Variants in SSC5D observed in about 807,000 individuals in gnomAD.
SSC5D encodes the protein scavenger receptor cysteine rich family member with 5 domains.
Under a neutral mutation model 104.6 loss-of-function variants are expected in SSC5D, and 106 were observed. The observed-to-expected ratio is 1.01, with a 90% CI of 0.87 to 1.19. SSC5D has a LOEUF of 1.19. Among genes scored for constraint, SSC5D ranks in the 50% most tolerant of loss-of-function variants. The pLI, the probability that SSC5D is intolerant of heterozygous loss-of-function variation, is 0.00. For synonymous variants in SSC5D, 860 were observed against 883.5 expected (o/e 0.97, Z 0.47); for missense variants, 1,993 against 2,153.8 (o/e 0.93, Z 1.48).
In SSC5D at chr19:55,517,372, C is replaced by G. The variant is rs1248960549; in HGVS notation, c.3096C>G (p.Pro1032=). ...CTGACTCCAGTCGAGAGCTCACTCC[C>G]CACTCAGCCTTGACGTCCGAGGCGA... The part of the protein sequence containing the change: ...LTSDSSRELT[P]HSALTSEATS... The change falls in exon 14 of 14, where the codon CCC becomes CCG. Residue 1032 remains proline (P), a synonymous_variant. Coordinates refer to ENST00000389623, the MANE Select transcript of SSC5D (RefSeq NM_001144950.2). 1 of 1,550,628 alleles carries G rather than the reference C, an allele frequency of 6.4e-7. No homozygotes were observed. Among genetic ancestry groups the G allele is most frequent in the Admixed American group, 2.0e-5 (1 of 50,986 alleles).
At chr19:55,498,619 G>C (rs2123440902) in intron 9 of SSC5D, among the ~76,000 whole-genome samples, 1 of 152,336 alleles carries the variant, frequency 6.6e-6, no homozygotes, top group African/African-American at 2.4e-5. Context: ...ATAAACTCAG[G>C]CAATGCCTGT....
rs1599921593 is a variant in SSC5D at position 55,500,828 on chromosome 19, T to G, written c.2617+24T>G. 2 of 1,503,122 alleles carry G rather than the reference T, an allele frequency of 1.3e-6. No homozygotes were observed. The highest frequency in any genetic ancestry group is 2.5e-5 in the East Asian group (1 of 39,688). 93.1% of individuals were successfully genotyped at this position (1,503,122 alleles called of 1,614,324 possible). A position where few individuals can be genotyped will look rare whatever the true frequency, so the allele number is the denominator to read the frequency against. On this transcript the variant is annotated intron_variant, in intron 11 of 13. Transcript: ENST00000389623. This position sits in a 1 kb window ranked among gnomAD's most constrained non-coding sequence, Gnocchi z 4.6. ...TGGTACCAGGGCATGGCGGCGGTGGTGGGGTTGTCGGGGGTGGCCAGGAGA... is the reference window on the plus strand; with the variant it reads ...TGGTACCAGGGCATGGCGGCGGTGGGGGGGTTGTCGGGGGTGGCCAGGAGA...
Position 55,489,432 on chromosome 19 carries a change from T to C in SSC5D, c.131T>C (p.Val44Ala), listed in dbSNP as rs1971845127. Reference protein sequence around the residue: ...EVWHGGRWGTVCDDGWDLRDA... With the variant: ...EVWHGGRWGTACDDGWDLRDA... ...TGGCATGGCGGGCGCTGGGGCACCG[T>C]GTGTGATGACGGCTGGGACCTGCGC... is the stretch of plus-strand genomic sequence containing the variant. The change falls in exon 3 of 14, where the codon GTG (valine) becomes GCG (alanine). Residue 44 changes from valine (V) to alanine (A), a missense_variant. By Grantham distance (64) the Val-to-Ala change is moderately conservative. Around this residue, in one of 6 missense-constraint regions of SSC5D, gnomAD observed 1,101 missense variants for 1,085.0 expected, o/e 1.01. Coordinates refer to ENST00000389623, the MANE Select transcript of SSC5D (RefSeq NM_001144950.2). The C allele has an allele frequency of 1.3e-6, 2 of 1,490,742 alleles. No homozygotes were observed. Among genetic ancestry groups the C allele is most frequent in the Non-Finnish European group, 1.8e-6 (2 of 1,127,426 alleles). The allele number at this position is 1,490,742 out of a possible 1,614,324, so 92.3% of individuals were successfully genotyped here. A position where few individuals can be genotyped will look rare whatever the true frequency, so the allele number is the denominator to read the frequency against.
intron 12 of SSC5D, among the ~76,000 whole-genome samples, chr19:55,511,042 G>A (rs1353475311): frequency 1.3e-5 from 2 of 151,410 alleles, no homozygotes; most frequent in African/African-American, 4.8e-5. Flanking sequence ...GCCTCTCAAA[G>A]TGCTGGGATT....
intron 12 of SSC5D, among the ~76,000 whole-genome samples, chr19:55,509,611 C>CT (rs1400814933): frequency 6.7e-6 from 1 of 149,604 alleles, no homozygotes; most frequent in Non-Finnish European, 1.5e-5. Flanking sequence ...AATCCCAGCA[C>CT]TTTGAGAGGC....
chr19:55,506,457 T>A (rs1987638509), intron 12 of SSC5D, among the ~76,000 whole-genome samples: 1 of 143,194 alleles, frequency 7.0e-6, no homozygotes, highest in Non-Finnish European at 1.5e-5. Context: ...TGCAGTGGCG[T>A]GATCTTGTCT....
At position 55,503,966 on chromosome 19, in the gene SSC5D, G is replaced by T. The variant is rs1599923899; in HGVS notation, c.2785+2765G>T. On this transcript the variant is annotated intron_variant, in intron 12 of 13. Coordinates refer to ENST00000389623, the MANE Select transcript of SSC5D (RefSeq NM_001144950.2). This position sits in a 1 kb window ranked among gnomAD's most constrained non-coding sequence, Gnocchi z 4.0. ...TGATTGGCCAGCCGGCGCATCGCCC[G>T]CAGTAATAATAGCTGGGCGAAGGGC... 1.4e-6 allele frequency: 1 copy of T among 720,050 alleles called. No individual in the cohort carries two copies. Among genetic ancestry groups the T allele is most frequent in the East Asian group, 3.0e-5 (1 of 32,928 alleles). 44.6% of individuals were successfully genotyped at this position (720,050 alleles called of 1,614,324 possible).
chr19:55,491,187 C>G, intron 6 of SSC5D, 107 bp downstream of exon 6: 4 of 1,275,502 alleles, frequency 3.1e-6, no homozygotes, highest in Non-Finnish European at 4.3e-6. Flanking sequence ...GCCTCCTGCC[C>G]GCCTGCTCTC....
In SSC5D at chr19:55,493,761, C is replaced by G. The variant is rs1420264459; in HGVS notation, c.1062C>G (p.Pro354=). ...GCTGCGGAGGGGCGCTGGCCGCCCC[C>G]GGGGGCGCCTTCTTTGGGGAGGGGT... is the stretch of plus-strand genomic sequence containing the variant. ...ELGCGGALAA[P]GGAFFGEGSG... The change falls in exon 7 of 14, where the codon CCC becomes CCG. Residue 354 remains proline, a synonymous_variant. Transcript: ENST00000389623. 1.3e-6 allele frequency: 2 copies of G among 1,528,458 alleles called. No individual in the cohort carries two copies. The highest frequency in any genetic ancestry group is 2.8e-5 in the African/African-American group (2 of 71,624). The allele number at this position is 1,528,458 out of a possible 1,614,324, so 94.7% of individuals were successfully genotyped here.
intron 2 of SSC5D, 25 bp downstream of exon 2, chr19:55,489,057 T>TGGGGGGGC: frequency 8.0e-7 from 1 of 1,247,974 alleles, no homozygotes; most frequent in Non-Finnish European, 1.0e-6. Flanking sequence ...TCCTCCCATC[T>TGGGGGGGC]GCCCGCCCCC....
intron 13 of SSC5D, among the ~76,000 whole-genome samples, chr19:55,513,859 G>T (rs1158321568): frequency 6.6e-6 from 1 of 152,140 alleles, no homozygotes; most frequent in Non-Finnish European, 1.5e-5. Context: ...GTGACAAATA[G>T]GAAAATGATA....
In SSC5D at chr19:55,518,537, A is replaced by C; in HGVS notation, c.4261A>C (p.Thr1421Pro). 6.5e-7 allele frequency: 1 copy of C among 1,546,642 alleles called. No individual in the cohort carries two copies. Among genetic ancestry groups the C allele is most frequent in the African/African-American group, 1.4e-5 (1 of 71,090 alleles). Residue 1421 changes from threonine to proline, a missense_variant, in exon 14 of 14, where the codon ACC becomes CCC. This residue lies in a region of SSC5D where 349 missense variants were observed against 397.6 expected (regional missense o/e 0.88). Transcript: ENST00000389623. ...ACCCAGAAGCCAGAGCCCCAACCTAACCCCTCCACCCACCCATACCCCACA... is the reference window on the plus strand; with the variant it reads ...ACCCAGAAGCCAGAGCCCCAACCTACCCCCTCCACCCACCCATACCCCACA... The part of the protein sequence containing the change: ...KPPRSQSPNL[T>P]PPPTHTPHSA...
chr19:55,518,706 C>T lies in SSC5D; in HGVS notation c.4430C>T (p.Thr1477Ile). 6.4e-7 allele frequency: 1 copy of T among 1,550,850 alleles called. No homozygotes were observed. The highest frequency in any genetic ancestry group is 8.7e-7 in the Non-Finnish European group (1 of 1,146,846). The part of the protein sequence containing the change: ...PGPHGPCVAP[T>I]PPVRVMACEP... ...CCCCATGGTCCATGTGTGGCCCCAA[C>T]ACCACCTGTAAGGGTCATGGCTTGT... Residue 1477 changes from threonine (T) to isoleucine (I), a missense_variant, in exon 14 of 14, where the codon ACA becomes ATA. Coordinates refer to ENST00000389623, the MANE Select transcript of SSC5D (RefSeq NM_001144950.2).
At chr19:55,490,141 C>G in intron 4 of SSC5D, 146 bp downstream of exon 4, 1 of 627,910 alleles carries the variant, frequency 1.6e-6, no homozygotes. Flanking sequence ...TATGAACTCC[C>G]AGGGGACACA....
Position 55,489,862 on chromosome 19 carries a change from T to A in SSC5D, c.362-20T>A. The A allele has an allele frequency of 6.5e-7, 1 of 1,542,810 alleles. No homozygotes were observed. Among genetic ancestry groups the A allele is most frequent in the Non-Finnish European group, 8.8e-7 (1 of 1,139,860 alleles). The stretch of plus-strand genomic sequence containing the variant: ...TCCCCTCCTCTCCTCATAGCTTCTG[T>A]CCCTGCCCCCCCGCCGCAGGTCAGC... On this transcript the variant is annotated intron_variant, in intron 3 of 13. Coordinates refer to ENST00000389623, the MANE Select transcript of SSC5D (RefSeq NM_001144950.2).
Position 55,494,816 on chromosome 19 carries a change from GTCCT to G in SSC5D, c.1387+40_1387+43del, listed in dbSNP as rs745834015. 35 of 1,506,588 alleles carry G rather than the reference GTCCT, an allele frequency of 2.3e-5. No homozygotes were observed. The African/African-American group carries it at 3.5e-4, about 15-fold the overall frequency. The allele number at this position is 1,506,588 out of a possible 1,614,324, so 93.3% of individuals were successfully genotyped here. On this transcript the variant is annotated intron_variant, in intron 8 of 13. Transcript: ENST00000389623. Reference sequence around the variant, plus strand: ...CCTCCATGCTCCCCAAGAAAACAGGGTCCTTCCTTCTGTTTCCTTCCCTCAGCTC... The same window carrying G: ...CCTCCATGCTCCCCAAGAAAACAGGGTCCTTCTGTTTCCTTCCCTCAGCTC...
intron 2 of SSC5D, 140 bp from the exon 3 acceptor site, chr19:55,489,214 G>A (rs1438183995): frequency 3.6e-6 from 4 of 1,098,508 alleles, no homozygotes; most frequent in Non-Finnish European, 4.9e-6. Context: ...GCACCCAGGA[G>A]TCTGGGCCCA....
intron 12 of SSC5D, among the ~76,000 whole-genome samples, chr19:55,508,032 C>T (rs1568482819): frequency 2.6e-5 from 4 of 152,122 alleles, no homozygotes; most frequent in African/African-American, 4.8e-5. Flanking sequence ...AGGCAGGGAA[C>T]GGGTACCTTT....
In SSC5D at chr19:55,501,112, C is replaced by T; in HGVS notation, c.2696C>T (p.Thr899Ile). 1 of 1,551,648 alleles carries T rather than the reference C, an allele frequency of 6.4e-7. No homozygotes were observed. The highest frequency in any genetic ancestry group is 2.4e-5 in the East Asian group (1 of 40,902). The part of the protein sequence containing the change: ...SREDLAKGTT[T>I]AGVPGHTLPW... ...GAGGACCTGGCCAAGGGGACTACCA[C>T]AGCGGGGGTACCTGGACACACTCTC... Residue 899 changes from threonine to isoleucine, a missense_variant, in exon 12 of 14, where the codon ACA becomes ATA. Transcript: ENST00000389623.
Sources: gnomAD v4.1 joint callset for allele counts (sites outside exome capture counted in the v4.1 genomes callset) on GRCh38, gnomAD v4.1.1 for gene constraint, gnomAD v4.1.1 regional missense constraint, Gnocchi (gnomAD v3.1) non-coding constraint, MANE v1.5 for transcripts, NCBI Gene and HGNC (gene_info 2026-07-23, HGNC 2026-07-21) for gene names.